DAB2IP: variants seen among roughly 807,000 people sequenced by gnomAD.
DAB2IP encodes disabled homolog 2-interacting protein.
Under a neutral mutation model 107.2 loss-of-function variants are expected in DAB2IP, and 28 were observed. That is an observed-to-expected ratio of 0.26 (90% confidence interval 0.19 to 0.36). The LOEUF (loss-of-function observed/expected upper bound fraction) is 0.36, where lower values mean the gene tolerates loss of function less well. DAB2IP is among the 10% of genes least tolerant of loss of function. The probability of loss-of-function intolerance (pLI) is 1.00; values close to 1 mark genes in which losing one functional copy is unlikely to be tolerated. For missense variants in DAB2IP, 1,400 were observed against 1,644.7 expected, an observed-to-expected ratio of 0.85 and a Z score of 2.57; for synonymous variants, 755 against 706.4, an observed-to-expected ratio of 1.07 and a Z score of -1.09.
chr9:121,715,813 G>A (rs1830573182), intron 3 of DAB2IP, among the ~76,000 whole-genome samples: 1 of 152,232 alleles, frequency 6.6e-6, no homozygotes, highest in Non-Finnish European at 1.5e-5. Flanking sequence ...CCTATCAGTT[G>A]TCTGCAGAGG....
At chr9:121,638,570 G>A (rs941106132) in intron 1 of DAB2IP, among the ~76,000 whole-genome samples, 2 of 152,216 alleles carry the variant, frequency 1.3e-5, no homozygotes, top group African/African-American at 2.4e-5. Context: ...GAGTGAATGC[G>A]AGTCAGCCAG....
intron 14 of DAB2IP, among the ~76,000 whole-genome samples, chr9:121,781,176 C>T (rs564610215): frequency 1.7e-4 from 26 of 152,326 alleles, no homozygotes; most frequent in Non-Finnish European, 2.5e-4. Flanking sequence ...TTCCACCCAT[C>T]TTGGCTCCTG....
chr9:121,773,172 C>G (rs980218405), exon 12 of DAB2IP: 55 of 1,600,722 alleles, frequency 3.4e-5, no homozygotes, highest in Non-Finnish European at 4.5e-5. Flanking sequence ...CGCGGAGGAG[C>G]TGGCTCGGCG....
At chr9:121,606,125 T>C (rs1442992894) in intron 1 of DAB2IP, among the ~76,000 whole-genome samples, 1 of 152,092 alleles carries the variant, frequency 6.6e-6, no homozygotes, top group African/African-American at 2.4e-5. Context: ...GGGGATCACC[T>C]GAGGTCAGGA....
At chr9:121,608,313 G>A (rs1441167960) in intron 1 of DAB2IP, among the ~76,000 whole-genome samples, 2 of 152,186 alleles carry the variant, frequency 1.3e-5, no homozygotes, top group Non-Finnish European at 2.9e-5. Context: ...GGCAGAACCT[G>A]TCTGATCCTC....
intron 3 of DAB2IP, among the ~76,000 whole-genome samples, chr9:121,708,299 G>A (rs996903978): frequency 2.0e-5 from 3 of 152,168 alleles, no homozygotes; most frequent in African/African-American, 4.8e-5. Context: ...CAGTAACCAG[G>A]CAAGTCCATT....
chr9:121,617,574 T>A (rs974984374), intron 1 of DAB2IP, among the ~76,000 whole-genome samples: 3 of 152,214 alleles, frequency 2.0e-5, no homozygotes, highest in Non-Finnish European at 4.4e-5. Context: ...GGGCACTGGT[T>A]TGGGTCCAGC....
intron 1 of DAB2IP, among the ~76,000 whole-genome samples, chr9:121,677,878 T>C (rs894161774): frequency 6.6e-6 from 1 of 152,172 alleles, no homozygotes; most frequent in Non-Finnish European, 1.5e-5. Flanking sequence ...ACCAGGCTGG[T>C]TTCGAACTCC....
intron 3 of DAB2IP, among the ~76,000 whole-genome samples, chr9:121,711,817 G>T (rs1324189706): frequency 6.6e-6 from 1 of 152,150 alleles, no homozygotes; most frequent in Non-Finnish European, 1.5e-5. Context: ...TGGGGAGGTG[G>T]TTTGTCTGGG....
intron 1 of DAB2IP, among the ~76,000 whole-genome samples, chr9:121,622,249 AAGCTTTGGGATTAC>A (rs1233868820): frequency 6.6e-6 from 1 of 152,084 alleles, no homozygotes; most frequent in Non-Finnish European, 1.5e-5. Context: ...CGGCCTGCCA[AAGCTTTGGGATTAC>A]AGGCGTGAGC....
At chr9:121,755,212 C>T (rs1833391518) in intron 3 of DAB2IP, among the ~76,000 whole-genome samples, 2 of 152,318 alleles carry the variant, frequency 1.3e-5, no homozygotes, top group South Asian at 4.1e-4. Context: ...AGGCCTGTTC[C>T]AACACAGCGG....
rs749461604 is a variant in DAB2IP at position 121,772,752 on chromosome 9, G to C, written c.2224G>C (p.Gly742Arg). Residue 742 changes from glycine to arginine, a missense_variant, in exon 12 of 16, where the codon GGT becomes CGT. Around this residue, in one of 3 missense-constraint regions of DAB2IP, gnomAD observed 600 missense variants for 659.1 expected, o/e 0.91. Transcript: ENST00000408936. This position sits in a 1 kb window ranked among gnomAD's most constrained non-coding sequence, Gnocchi z 4.7. ...CGAGCCTGATCTTCAGATGGCCAACGGTGGCAAGAGCCTCTCCATGGTGGA... is the reference window on the plus strand; with the variant it reads ...CGAGCCTGATCTTCAGATGGCCAACCGTGGCAAGAGCCTCTCCATGGTGGA... 4 of 1,613,904 alleles carry C rather than the reference G, an allele frequency of 2.5e-6. No individual in the cohort carries two copies. In the Middle Eastern group the frequency reaches 4.9e-4, roughly 200 times the overall value.
Position 121,701,033 on chromosome 9 carries a change from T to C in DAB2IP, c.362+1575T>C, listed in dbSNP as rs1829749459. Among the ~76,000 whole-genome samples, 1 of 152,248 alleles carries C rather than the reference T, an allele frequency of 6.6e-6. No homozygotes were observed. Among genetic ancestry groups the C allele is most frequent in the Non-Finnish European group, 1.5e-5 (1 of 68,038 alleles). On this transcript the variant is annotated intron_variant, in intron 3 of 15. Transcript: ENST00000408936. This position sits in a 1 kb window ranked among gnomAD's most constrained non-coding sequence, Gnocchi z 4.7. ...CCTCCACCGGGCCCCTGCCTTCGGC[T>C]GTCTTCCCCAGGAACATGCCCTTCT...
At position 121,641,966 on chromosome 9, in the gene DAB2IP, CTCTCTCTT is replaced by C. The variant is rs1168424680; in HGVS notation, c.41-36708_41-36701del. ...CTTTCTTTCCTTTCTTTCTTTCTCTCTCTCTCTTTCTTTCTTTCTTTCTTTCCTTTCTC... is the reference window on the plus strand; with the variant it reads ...CTTTCTTTCCTTTCTTTCTTTCTCTCTCTTTCTTTCTTTCTTTCCTTTCTC... On this transcript the variant is annotated intron_variant, in intron 1 of 16. Transcript: ENST00000259371. Among the ~76,000 whole-genome samples the C allele has an allele frequency of 1.5e-4, 16 of 110,134 alleles. 1 individual carries two copies. Among genetic ancestry groups the C allele is most frequent in the Admixed American group, 4.8e-4 (5 of 10,424 alleles). 72.3% of individuals were successfully genotyped at this position (110,134 alleles called of 152,430 possible). A position where few individuals can be genotyped will look rare whatever the true frequency, so the allele number is the denominator to read the frequency against.
At chr9:121,686,195 C>G (rs1203569160) in intron 2 of DAB2IP, among the ~76,000 whole-genome samples, 3 of 152,188 alleles carry the variant, frequency 2.0e-5, no homozygotes, top group South Asian at 4.1e-4. Flanking sequence ...ACCCCCCCAA[C>G]ATCTGTGCTC....
At chr9:121,642,617 A>T (rs1317763272) in intron 1 of DAB2IP, among the ~76,000 whole-genome samples, 2 of 60,510 alleles carry the variant, frequency 3.3e-5, no homozygotes, top group African/African-American at 4.7e-5. Flanking sequence ...TTTTCTATTA[A>T]AAAAAAAAAA....
chr9:121,731,589 C>T (rs1831541914), intron 3 of DAB2IP, among the ~76,000 whole-genome samples: 2 of 152,212 alleles, frequency 1.3e-5, no homozygotes, highest in African/African-American at 4.8e-5. Context: ...TTGTCTCCTC[C>T]AGCTTCTTGC....
exon 11 of DAB2IP, chr9:121,770,574 C>A: frequency 6.2e-7 from 1 of 1,614,130 alleles, no homozygotes. Context: ...GGACCCCTGC[C>A]TCGGATCCTG....
chr9:121,753,349 G>T (rs1833260384), intron 3 of DAB2IP, among the ~76,000 whole-genome samples: 1 of 152,234 alleles, frequency 6.6e-6, no homozygotes, highest in Non-Finnish European at 1.5e-5. Flanking sequence ...ACCACAAGAG[G>T]TCAGAGGGGA....
Sources: gnomAD v4.1 joint callset for allele counts (sites outside exome capture counted in the v4.1 genomes callset) on GRCh38, gnomAD v4.1.1 for gene constraint, gnomAD v4.1.1 regional missense constraint, Gnocchi (gnomAD v3.1) non-coding constraint, MANE v1.5 for transcripts, NCBI Gene and HGNC (gene_info 2026-07-23, HGNC 2026-07-21) for gene names.